The following MVB12A variants were observed in gnomAD, a reference collection of about 807,000 sequenced individuals.
MVB12A encodes the protein multivesicular body subunit 12A, also known as CIN85/CD2AP family binding protein.
Under a neutral mutation model 34.3 loss-of-function variants are expected in MVB12A, and 30 were observed. The ratio of observed to expected loss-of-function variants is 0.88; its 90% CI spans 0.65 to 1.19. The LOEUF is 1.19. MVB12A is among the 50% of genes most tolerant of loss of function. The pLI is 0.00. For synonymous variants in MVB12A, 158 were observed against 158.9 expected (o/e 0.99, Z 0.04); for missense variants, 355 against 369.2 (o/e 0.96, Z 0.31).
chr19:17,412,753 A>G (rs1400465499), intron 2 of MVB12A, among the ~76,000 whole-genome samples: 1 of 152,248 alleles, frequency 6.6e-6, no homozygotes, highest in Non-Finnish European at 1.5e-5. Context: ...GGAAACTGAA[A>G]CTATAGCTAT....
chr19:17,412,455 C>T (rs531662192), intron 2 of MVB12A, among the ~76,000 whole-genome samples: 7 of 151,950 alleles, frequency 4.6e-5, no homozygotes, highest in African/African-American at 1.7e-4. Context: ...TTAGTAGAGA[C>T]GGGGTTTCAC....
At chr19:17,410,457 C>A (rs1281252115) in intron 2 of MVB12A, among the ~76,000 whole-genome samples, 1 of 143,092 alleles carries the variant, frequency 7.0e-6, no homozygotes, top group African/African-American at 2.6e-5. Flanking sequence ...CAGGAGTAAG[C>A]CACTGCACCC....
At chr19:17,421,361 T>G (rs2074837821) in intron 3 of MVB12A, among the ~76,000 whole-genome samples, 1 of 151,830 alleles carries the variant, frequency 6.6e-6, no homozygotes, top group Non-Finnish European at 1.5e-5. Context: ...ATTTTGTATT[T>G]TTAGTAGAGA....
intron 2 of MVB12A, among the ~76,000 whole-genome samples, chr19:17,410,741 C>T (rs1373316020): frequency 1.4e-5 from 2 of 145,888 alleles, no homozygotes; most frequent in Non-Finnish European, 3.0e-5. Context: ...CCAGCCTGGC[C>T]AACATGGTGA....
intron 2 of MVB12A, among the ~76,000 whole-genome samples, chr19:17,409,350 C>T (rs913442127): frequency 3.3e-5 from 5 of 151,138 alleles, no homozygotes; most frequent in African/African-American, 1.2e-4. Flanking sequence ...AGGCTGGTCT[C>T]GAACTCCCGA....
At chr19:17,412,727 TTTAA>T (rs755994585) in intron 2 of MVB12A, among the ~76,000 whole-genome samples, 3 of 152,234 alleles carry the variant, frequency 2.0e-5, no homozygotes, top group African/African-American at 4.8e-5. Flanking sequence ...TTATTCTGAC[TTTAA>T]TTAGTGTCCA....
In MVB12A at chr19:17,407,670, G is replaced by A. The variant is rs545338206; in HGVS notation, c.-5+1374G>A. ...CCAGGTGTACAGGATGGAACATGAA[G>A]GCGGACTAGGAGCGTGACCACTGAA... On this transcript the variant is annotated intron_variant, in intron 2 of 6. Coordinates refer to the MVB12A transcript ENST00000528604. Among the ~76,000 whole-genome samples the A allele has an allele frequency of 3.9e-5, 6 of 152,324 alleles. No homozygotes were observed. The East Asian group carries it at 1.2e-3, about 29-fold the overall frequency.
Position 17,420,156 on chromosome 19 carries a change from A to G in MVB12A, c.21A>G (p.Thr7=). MDPVPG[T]DSAPLAGLAW... is the part of the protein sequence containing the mutation. The stretch of plus-strand genomic sequence containing the variant: ...GCAGGATGGATCCCGTACCCGGGAC[A>G]GACTCGGCGCCGCTGGCTGGCCTGG... The change falls in exon 1 of 9, where the codon ACA becomes ACG. Residue 7 remains threonine (T), a synonymous_variant. Transcript: ENST00000317040. 1 of 1,387,582 alleles carries G rather than the reference A, an allele frequency of 7.2e-7. No homozygotes were observed. Among genetic ancestry groups the G allele is most frequent in the Non-Finnish European group, 9.3e-7 (1 of 1,076,778 alleles). The allele number at this position is 1,387,582 out of a possible 1,614,324, so 86.0% of individuals were successfully genotyped here. A position where few individuals can be genotyped will look rare whatever the true frequency, so the allele number is the denominator to read the frequency against.
At chr19:17,420,015 G>GCCCCCCCC (rs201855095), upstream of MVB12A, 3 of 225,228 alleles carry the variant, frequency 1.3e-5, no homozygotes, top group South Asian at 4.1e-4. Context: ...GGCAATCTCC[G>GCCCCCCCC]CCCCCCCCCC....
intron 2 of MVB12A, among the ~76,000 whole-genome samples, chr19:17,413,610 A>G (rs1307057722): frequency 6.6e-6 from 1 of 151,930 alleles, no homozygotes; most frequent in Non-Finnish European, 1.5e-5. Context: ...CTTGAGCCCA[A>G]GGGGTAGGAG....
chr19:17,422,691 CT>C (rs1423560006), intron 4 of MVB12A: 1 of 280,478 alleles, frequency 3.6e-6, no homozygotes, highest in African/African-American at 2.2e-5. Context: ...TGGCTCACGC[CT>C]GTAATCCCAG....
chr19:17,425,194 G>GT lies in MVB12A; in HGVS notation c.*202dup. 1.9e-6 allele frequency: 1 copy of GT among 537,710 alleles called. No individual in the cohort carries two copies. Among genetic ancestry groups the GT allele is most frequent in the Non-Finnish European group, 3.3e-6 (1 of 305,324 alleles). The allele number at this position is 537,710 out of a possible 1,614,324, so 33.3% of individuals were successfully genotyped here. A position where few individuals can be genotyped will look rare whatever the true frequency, so the allele number is the denominator to read the frequency against. On this transcript the variant is annotated 3_prime_UTR_variant, in exon 9 of 9. Coordinates refer to ENST00000317040, the MANE Select transcript of MVB12A (RefSeq NM_138401.4). ...CGGGTCGAGGCTGCGTGGTGATGGGGTCTCCGCCCCCACGCCCTGCCGGGC... is the reference window on the plus strand; with the variant it reads ...CGGGTCGAGGCTGCGTGGTGATGGGGTTCTCCGCCCCCACGCCCTGCCGGGC...
upstream of MVB12A, among the ~76,000 whole-genome samples, chr19:17,416,561 G>C (rs11668883): frequency 6.7e-6 from 1 of 150,216 alleles, no homozygotes; most frequent in Admixed American, 6.6e-5. Flanking sequence ...GATTACAGGC[G>C]CCTGCCACCA....
Position 17,405,773 on chromosome 19 carries a change from T to G in MVB12A, c.-225+2T>G. ...CAGTTTCAGTTTCCCAGAAAGGAGG[T>G]GGGCTTTTTTTTCACCCTGCTTTAA... On this transcript the variant is annotated splice_donor_variant, in intron 1 of 6. Transcript: ENST00000528604. LOFTEE classifies it low-confidence loss of function (5UTR_SPLICE). The G allele has an allele frequency of 2.5e-6, 1 of 404,826 alleles. No individual in the cohort carries two copies. The highest frequency in any genetic ancestry group is 3.5e-5 in the East Asian group (1 of 28,822). The allele number at this position is 404,826 out of a possible 1,614,324, so 25.1% of individuals were successfully genotyped here. A position where few individuals can be genotyped will look rare whatever the true frequency, so the allele number is the denominator to read the frequency against.
At chr19:17,410,496 T>TTATATATGTGTGTATA (rs1568387298) in intron 2 of MVB12A, among the ~76,000 whole-genome samples, 15 of 31,508 alleles carry the variant, frequency 4.8e-4, no homozygotes, top group Admixed American at 1.7e-3. Flanking sequence ...GGTTTTAGCT[T>TTATATATGTGTGTATA]CATATATATA....
intron 2 of MVB12A, among the ~76,000 whole-genome samples, chr19:17,408,443 A>ATTAG (rs926326939): frequency 6.7e-5 from 10 of 149,870 alleles, no homozygotes; most frequent in Admixed American, 6.7e-4. Context: ...TAATTAATTA[A>ATTAG]TTAATTAATT....
At position 17,410,298 on chromosome 19, in the gene MVB12A, G is replaced by A. The variant is rs181144510; in HGVS notation, c.-5+4002G>A. On this transcript the variant is annotated intron_variant, in intron 2 of 6. Coordinates refer to the MVB12A transcript ENST00000528604. ...CAATCCTCTCACCTCAGCCTCTGGC[G>A]TAGCTGGGACTATATGTGTGCACCA... 2.6e-3 allele frequency among the ~76,000 whole-genome samples: 390 copies of A among 149,992 alleles called. 1 individual carries two copies. The highest frequency in any genetic ancestry group is 8.9e-3 in the African/African-American group (364 of 40,732).
At chr19:17,417,089 T>C, upstream of MVB12A, 1 of 389,254 alleles carries the variant, frequency 2.6e-6, no homozygotes, top group South Asian at 2.1e-5. Flanking sequence ...CTTTGCACCG[T>C]CAAACTTTCC....
intron 3 of MVB12A, 175 bp downstream of exon 3, chr19:17,420,809 C>G: frequency 1.6e-6 from 1 of 641,026 alleles, no homozygotes; most frequent in South Asian, 1.8e-5. Flanking sequence ...ATCCCCTGTC[C>G]TGATTCAAAA....
Sources: gnomAD v4.1 joint callset for allele counts (sites outside exome capture counted in the v4.1 genomes callset) on GRCh38, gnomAD v4.1.1 for gene constraint, MANE v1.5 for transcripts, NCBI Gene and HGNC (gene_info 2026-07-23, HGNC 2026-07-21) for gene names.